The following SMARCA2 variants were observed in gnomAD, a reference collection of about 807,000 sequenced individuals.
The protein encoded by SMARCA2 is SWI/SNF-related matrix-associated actin-dependent regulator of chromatin subfamily A member 2.
Under a neutral mutation model 199.8 loss-of-function variants are expected in SMARCA2, and 61 were observed. The observed-to-expected ratio is 0.31, with a 90% CI of 0.25 to 0.38. The LOEUF (loss-of-function observed/expected upper bound fraction) is 0.38, where lower values mean the gene tolerates loss of function less well. Among genes scored for constraint, SMARCA2 ranks in the 10% least tolerant of loss-of-function variants. The probability of loss-of-function intolerance (pLI) is 1.00; values close to 1 mark genes in which losing one functional copy is unlikely to be tolerated. For missense variants in SMARCA2, 1,344 were observed against 2,012.2 expected, an observed-to-expected ratio of 0.67 and a Z score of 6.35; for synonymous variants, 935 against 732.0, an observed-to-expected ratio of 1.28 and a Z score of -4.48.
chr9:2,170,337 T>C lies in SMARCA2; in HGVS notation c.4200-82T>C. Reference sequence around the variant, plus strand: ...GTGAGGAGACTGAGGCTTGGCCAGGTCACCCAGCCTAGGAAGAAGGAGCCG... The same window carrying C: ...GTGAGGAGACTGAGGCTTGGCCAGGCCACCCAGCCTAGGAAGAAGGAGCCG... On this transcript the variant is annotated intron_variant, in intron 28 of 33. Transcript: ENST00000349721. The surrounding 1 kb of genome is among the most constrained non-coding windows in gnomAD (Gnocchi z 4.7). 2.5e-6 allele frequency: 4 copies of C among 1,585,496 alleles called. No homozygotes were observed. Among genetic ancestry groups the C allele is most frequent in the Non-Finnish European group, 3.4e-6 (4 of 1,162,404 alleles).
intron 27 of SMARCA2, chr9:2,158,618 G>C (rs749462478): frequency 4.2e-6 from 1 of 238,956 alleles, no homozygotes; most frequent in Admixed American, 5.5e-5. Context: ...TTCTTTTTGG[G>C]GGTAGTACTT....
chr9:2,185,163 C>T (rs917190437), intron 31 of SMARCA2, among the ~76,000 whole-genome samples: 1 of 152,102 alleles, frequency 6.6e-6, no homozygotes, highest in Non-Finnish European at 1.5e-5. Context: ...AACTGCGTGC[C>T]TACGAACAAC....
chr9:2,191,237 G>A (rs1827857942), intron 32 of SMARCA2, 29 bp from the exon 33 acceptor site: 2 of 1,609,338 alleles, frequency 1.2e-6, no homozygotes. Context: ...ATTACTCACT[G>A]GTGTCTATTT....
At chr9:2,174,293 A>C (rs749202180) in intron 29 of SMARCA2, among the ~76,000 whole-genome samples, 1 of 152,210 alleles carries the variant, frequency 6.6e-6, no homozygotes. Flanking sequence ...CTGTTTTCCA[A>C]ACCACTCTAT....
At chr9:2,137,740 C>T (rs568268309) in intron 27 of SMARCA2, among the ~76,000 whole-genome samples, 1 of 152,266 alleles carries the variant, frequency 6.6e-6, no homozygotes, top group East Asian at 1.9e-4. Context: ...CTGGTACCTG[C>T]AGCAGGACTT....
intron 9 of SMARCA2, among the ~76,000 whole-genome samples, 153 bp from the exon 10 acceptor site, chr9:2,070,265 A>G (rs1821032401): frequency 6.6e-6 from 1 of 152,242 alleles, no homozygotes; most frequent in Non-Finnish European, 1.5e-5. Context: ...TTGTCTCAGC[A>G]AAGACAAATG....
chr9:2,025,436 C>T (rs1015639279), intron 1 of SMARCA2, among the ~76,000 whole-genome samples: 1 of 152,160 alleles, frequency 6.6e-6, no homozygotes, highest in Non-Finnish European at 1.5e-5. Flanking sequence ...AAACTCCCTC[C>T]TTCTCCTAAC....
chr9:2,077,572 A>G (rs1312204912), intron 13 of SMARCA2, 57 bp from the exon 14 acceptor site: 14 of 1,558,348 alleles, frequency 9.0e-6, no homozygotes, highest in Non-Finnish European at 5.3e-6. Flanking sequence ...TGAGTGAAGT[A>G]AAACAACACA....
intron 19 of SMARCA2, among the ~76,000 whole-genome samples, chr9:2,090,254 A>T (rs533267101): frequency 6.6e-6 from 1 of 152,216 alleles, no homozygotes; most frequent in South Asian, 2.1e-4. Flanking sequence ...GATCACGAGT[A>T]TGTCTCTTGC....
intron 22 of SMARCA2, among the ~76,000 whole-genome samples, chr9:2,103,558 T>A (rs551092533): frequency 6.6e-6 from 1 of 152,148 alleles, no homozygotes; most frequent in Non-Finnish European, 1.5e-5. Flanking sequence ...TAGATGAATC[T>A]TAAGTGCCCT....
chr9:2,142,905 A>G (rs909382016), intron 27 of SMARCA2, among the ~76,000 whole-genome samples: 2 of 152,188 alleles, frequency 1.3e-5, no homozygotes, highest in Non-Finnish European at 2.9e-5. Context: ...TCTCACCAAC[A>G]TTTTTGGGTC....
rs745902246 is a variant in SMARCA2 at position 2,016,865 on chromosome 9, G to T, written c.-37+1461G>T. On this transcript the variant is annotated intron_variant, in intron 1 of 33. Transcript: ENST00000349721. The surrounding 1 kb of genome is among the most constrained non-coding windows in gnomAD (Gnocchi z 5.6). The stretch of plus-strand genomic sequence containing the variant: ...TCCTCCCGTTTGCGTTGCAAAACAC[G>T]GCCATGCCATCTGCAAAGGTGTCGC... Among the ~76,000 whole-genome samples the T allele has an allele frequency of 5.9e-5, 9 of 152,160 alleles. No individual in the cohort carries two copies. The highest frequency in any genetic ancestry group is 1.2e-4 in the Non-Finnish European group (8 of 68,014).
chr9:2,087,089 G>T lies in SMARCA2; in HGVS notation c.2769+18G>T. On this transcript the variant is annotated intron_variant, in intron 18 of 33. Transcript: ENST00000349721. The stretch of plus-strand genomic sequence containing the variant: ...GTGAAAGGGTACTGGTCTGAGTTCT[G>T]TTTTTTCCACTGCATGATAATGACA... 2 of 1,613,670 alleles carry T rather than the reference G, an allele frequency of 1.2e-6. No homozygotes were observed. Among genetic ancestry groups the T allele is most frequent in the South Asian group, 1.1e-5 (1 of 91,072 alleles).
At chr9:2,081,512 T>A (rs924117883) in intron 14 of SMARCA2, among the ~76,000 whole-genome samples, 1 of 152,186 alleles carries the variant, frequency 6.6e-6, no homozygotes, top group African/African-American at 2.4e-5. Flanking sequence ...AGTGGTTGGA[T>A]TAGATTTTGG....
intron 5 of SMARCA2, chr9:2,047,738 T>G: frequency 3.8e-6 from 1 of 266,074 alleles, no homozygotes; most frequent in Non-Finnish European, 6.9e-6. Context: ...TGGAATACAC[T>G]GTCCGTGTTT....
chr9:2,070,315 A>T, intron 9 of SMARCA2, 103 bp from the exon 10 acceptor site: 1 of 891,792 alleles, frequency 1.1e-6, no homozygotes, highest in Non-Finnish European at 1.9e-6. Flanking sequence ...GTTAGATAAT[A>T]ATGGGGTAAC....
intron 27 of SMARCA2, among the ~76,000 whole-genome samples, chr9:2,136,750 GA>G (rs1202234341): frequency 6.6e-6 from 1 of 152,158 alleles, no homozygotes; most frequent in Non-Finnish European, 1.5e-5. Context: ...AGCTTGTCAA[GA>G]GCAGGTCTCC....
intron 27 of SMARCA2, among the ~76,000 whole-genome samples, chr9:2,135,964 C>T (rs1824176937): frequency 6.6e-6 from 1 of 152,084 alleles, no homozygotes; most frequent in Non-Finnish European, 1.5e-5. Context: ...GCCTCCGTCT[C>T]CCGAGTAGCT....
chr9:2,129,350 A>G (rs1255768621), intron 27 of SMARCA2, among the ~76,000 whole-genome samples: 6 of 152,124 alleles, frequency 3.9e-5, no homozygotes, highest in Non-Finnish European at 8.8e-5. Flanking sequence ...CCCGGGAGGC[A>G]GAGGTTACAT....
Sources: gnomAD v4.1 joint callset for allele counts (sites outside exome capture counted in the v4.1 genomes callset) on GRCh38, gnomAD v4.1.1 for gene constraint, Gnocchi (gnomAD v3.1) non-coding constraint, MANE v1.5 for transcripts, NCBI Gene and HGNC (gene_info 2026-07-23, HGNC 2026-07-21) for gene names.